The following ZNF750 variants were observed in gnomAD, a reference collection of about 807,000 sequenced individuals.
ZNF750 encodes zinc finger protein 750.
In ZNF750, 10 loss-of-function variants were observed where a neutral mutation model predicts 31.6. That is an observed-to-expected ratio of 0.32 (90% CI 0.19 to 0.54). The LOEUF (loss-of-function observed/expected upper bound fraction) is 0.54, where lower values mean the gene tolerates loss of function less well. ZNF750 is among the 20% of genes least tolerant of loss of function. The pLI is 0.95. For missense variants in ZNF750, 914 were observed against 934.9 expected (o/e 0.98, Z 0.29); for synonymous variants, 400 against 404.9 (o/e 0.99, Z 0.15).
chr17:82,832,466 T>A lies in ZNF750; in HGVS notation c.-12A>T. 1 of 1,605,770 alleles carries A rather than the reference T, an allele frequency of 6.2e-7. No homozygotes were observed. The highest frequency in any genetic ancestry group is 8.5e-7 in the Non-Finnish European group (1 of 1,179,014). The stretch of plus-strand genomic sequence containing the variant: ...TTGAGGAGACTCATTTTCCTCCTTA[T>A]GCCTTGGACTCTGGCTGTCCAGGTG... On this transcript the variant is annotated 5_prime_UTR_variant, in exon 2 of 3. Transcript: ENST00000269394. This position sits in a 1 kb window ranked among gnomAD's most constrained non-coding sequence, Gnocchi z 4.9.
Position 82,830,127 on chromosome 17 carries a change from C to T in ZNF750, c.*15G>A, listed in dbSNP as rs748282660. 4.3e-6 allele frequency: 7 copies of T among 1,613,132 alleles called. No individual in the cohort carries two copies. The highest frequency in any genetic ancestry group is 2.2e-5 in the South Asian group (2 of 91,042). ...GTGTGGCCGTAGCTCTGTGAACACA[C>T]GTGTGAACCCGGCGTTAGGACACCC... On this transcript the variant is annotated 3_prime_UTR_variant, in exon 3 of 3. Transcript: ENST00000269394.
At position 82,833,060 on chromosome 17, in the gene ZNF750, C is replaced by A. The variant is rs536915606; in HGVS notation, c.-182-424G>T. On this transcript the variant is annotated intron_variant, in intron 1 of 2. Transcript: ENST00000269394. This position sits in a 1 kb window ranked among gnomAD's most constrained non-coding sequence, Gnocchi z 4.7. ...GGACAGAGTCCTGTCCCAGGGCTGCCCGACTCTGCTTGGGGGTTACACGCT... is the reference window on the plus strand; with the variant it reads ...GGACAGAGTCCTGTCCCAGGGCTGCACGACTCTGCTTGGGGGTTACACGCT... Among the ~76,000 whole-genome samples the A allele has an allele frequency of 6.6e-6, 1 of 152,240 alleles. No homozygotes were observed. The highest frequency in any genetic ancestry group is 2.4e-5 in the African/African-American group (1 of 41,552).
chr17:82,836,030 C>CG (rs2053942682), intron 1 of ZNF750, among the ~76,000 whole-genome samples: 1 of 152,226 alleles, frequency 6.6e-6, no homozygotes, highest in Non-Finnish European at 1.5e-5. Flanking sequence ...TACAAGGCAC[C>CG]GGGTCAAGGC....
chr17:82,839,310 A>G (rs2054258996), intron 1 of ZNF750, among the ~76,000 whole-genome samples: 1 of 152,176 alleles, frequency 6.6e-6, no homozygotes, highest in South Asian at 2.1e-4. Flanking sequence ...TACCACACAT[A>G]TATAACCCTA....
rs1423142009 is a variant in ZNF750 at position 82,835,897 on chromosome 17, G to A, written c.-182-3261C>T. Among the ~76,000 whole-genome samples, 3 of 152,304 alleles carry A rather than the reference G, an allele frequency of 2.0e-5. No homozygotes were observed. The highest frequency in any genetic ancestry group is 4.8e-5 in the African/African-American group (2 of 41,556). On this transcript the variant is annotated intron_variant, in intron 1 of 2. Coordinates refer to ENST00000269394, the MANE Select transcript of ZNF750 (RefSeq NM_024702.3). This position sits in a 1 kb window ranked among gnomAD's most constrained non-coding sequence, Gnocchi z 4.5. ...TGAGTTTCTGTGTAGCAGGGACAGCGAGGCACGGTTTGGATGAGGACAAGA... is the reference window on the plus strand; with the variant it reads ...TGAGTTTCTGTGTAGCAGGGACAGCAAGGCACGGTTTGGATGAGGACAAGA...
intron 1 of ZNF750, among the ~76,000 whole-genome samples, chr17:82,837,597 G>C (rs181658488): frequency 1.5e-3 from 236 of 152,298 alleles, no homozygotes; most frequent in Admixed American, 4.6e-3. Flanking sequence ...TTTCATTTGA[G>C]AACTGCAGTG....
intron 1 of ZNF750, among the ~76,000 whole-genome samples, chr17:82,838,015 T>C (rs1396870388): frequency 1.3e-5 from 2 of 152,242 alleles, no homozygotes; most frequent in East Asian, 3.8e-4. Flanking sequence ...TTTCTAAATA[T>C]TTTAAATGTT....
chr17:82,835,467 G>T lies in ZNF750; in HGVS notation c.-182-2831C>A, dbSNP rs935831169. Among the ~76,000 whole-genome samples, 1 of 152,148 alleles carries T rather than the reference G, an allele frequency of 6.6e-6. No individual in the cohort carries two copies. Reference sequence around the variant, plus strand: ...GACGGAGTTTTGGTCTTGTTGCCCAGGCTGGAGGGCAGTGGTGCGATCTCG... The same window carrying T: ...GACGGAGTTTTGGTCTTGTTGCCCATGCTGGAGGGCAGTGGTGCGATCTCG... On this transcript the variant is annotated intron_variant, in intron 1 of 2. Transcript: ENST00000269394. The surrounding 1 kb of genome is among the most constrained non-coding windows in gnomAD (Gnocchi z 4.5).
At chr17:82,839,561 C>G (rs1464617046) in intron 1 of ZNF750, among the ~76,000 whole-genome samples, 1 of 152,200 alleles carries the variant, frequency 6.6e-6, no homozygotes, top group Non-Finnish European at 1.5e-5. Flanking sequence ...ACATACACCA[C>G]ACATATATAT....
In ZNF750 at chr17:82,830,741, C is replaced by T; in HGVS notation, c.1573G>A (p.Ala525Thr). 6.2e-7 allele frequency: 1 copy of T among 1,613,878 alleles called. No homozygotes were observed. The highest frequency in any genetic ancestry group is 1.1e-5 in the South Asian group (1 of 91,072). The change falls in exon 3 of 3, where the codon GCA becomes ACA. Residue 525 changes from alanine (A) to threonine (T), a missense_variant. Physicochemically the swap from Ala to Thr is moderately conservative, Grantham distance 58. This residue lies in a region of ZNF750 where 880 missense variants were observed against 868.9 expected (regional missense o/e 1.01). Coordinates refer to ENST00000269394, the MANE Select transcript of ZNF750 (RefSeq NM_024702.3). ...NLSKKSEINL[A>T]ATHEPTYQGS... ...TGGTACGTGGGTTCGTGGGTGGCTG[C>T]CAGGTTTATCTCTGATTTCTTGGAG... is the stretch of plus-strand genomic sequence containing the variant.
Position 82,830,007 on chromosome 17 carries a change from GTTT to G in ZNF750, c.*132_*134del. The G allele has an allele frequency of 7.2e-7, 1 of 1,390,984 alleles. No individual in the cohort carries two copies. Among genetic ancestry groups the G allele is most frequent in the Non-Finnish European group, 9.8e-7 (1 of 1,019,360 alleles). 86.2% of individuals were successfully genotyped at this position (1,390,984 alleles called of 1,614,324 possible). On this transcript the variant is annotated 3_prime_UTR_variant, in exon 3 of 3. Transcript: ENST00000269394. ...GAATTGGAGGGTTTTTTGTTTGTTT[GTTT>G]GTTTGTTTTTTTGAGAAGCAGCAGC...
At chr17:82,837,715 C>T (rs894217458) in intron 1 of ZNF750, among the ~76,000 whole-genome samples, 1 of 152,230 alleles carries the variant, frequency 6.6e-6, no homozygotes, top group African/African-American at 2.4e-5. Flanking sequence ...GGACATGCCA[C>T]AGAGCTTCCA....
Position 82,831,885 on chromosome 17 carries a change from C to CTTG in ZNF750, c.567_569dup (p.Ala189_Lys190insAsn). 1 of 1,614,118 alleles carries CTTG rather than the reference C, an allele frequency of 6.2e-7. No individual in the cohort carries two copies. Among genetic ancestry groups the CTTG allele is most frequent in the Non-Finnish European group, 8.5e-7 (1 of 1,180,006 alleles). On this transcript the variant is annotated inframe_insertion, in exon 2 of 3. Coordinates refer to ENST00000269394, the MANE Select transcript of ZNF750 (RefSeq NM_024702.3). This position sits in a 1 kb window ranked among gnomAD's most constrained non-coding sequence, Gnocchi z 4.6. ...CCGACTTGGTGTGGAAAGACACGGC[C>CTTG]TTGGCAGTGGGGTTGTGTAAAGCCA...
At chr17:82,838,885 CG>C in intron 1 of ZNF750, 15 of 985,386 alleles carry the variant, frequency 1.5e-5, no homozygotes, top group Non-Finnish European at 1.8e-5. Context: ...CCTGAAACTC[CG>C]GTCAGAAATG....
Position 82,830,184 on chromosome 17 carries a change from C to T in ZNF750, c.2130G>A (p.Thr710=), listed in dbSNP as rs1380650622. Residue 710 remains threonine, a synonymous_variant, in exon 3 of 3, where the codon ACG becomes ACA. Coordinates refer to ENST00000269394, the MANE Select transcript of ZNF750 (RefSeq NM_024702.3). ...QGAKKAKLQD[T]ARVFTLRRRA... ...TCCTTCGTAGTGTGAACACTCTGGC[C>T]GTGTCCTGCAGCTTCGCCTTCTTAG... 6 of 1,614,214 alleles carry T rather than the reference C, an allele frequency of 3.7e-6. No individual in the cohort carries two copies. The highest frequency in any genetic ancestry group is 2.2e-5 in the East Asian group (1 of 44,890).
At chr17:82,838,706 C>T (rs1231438973) in intron 1 of ZNF750, 2 of 985,286 alleles carry the variant, frequency 2.0e-6, no homozygotes, top group Admixed American at 1.2e-4. Flanking sequence ...GAAAGATAAA[C>T]CTCAGGACAA....
At chr17:82,839,086 T>G (rs986220665) in intron 1 of ZNF750, 13 of 680,592 alleles carry the variant, frequency 1.9e-5, no homozygotes, top group Non-Finnish European at 2.4e-5. Flanking sequence ...CCCCTTTGGT[T>G]TGGTTTTGTT....
rs1233209570 is a variant in ZNF750, at chr17:82,833,690, G to C, written c.-182-1054C>G. 6.6e-6 allele frequency among the ~76,000 whole-genome samples: 1 copy of C among 152,184 alleles called. No homozygotes were observed. Among genetic ancestry groups the C allele is most frequent in the African/African-American group, 2.4e-5 (1 of 41,448 alleles). ...AGCTTTGCCACACTCCTGCCCGAGA[G>C]GAGACCAGAGTGAGTAGTATCCGCT... On this transcript the variant is annotated intron_variant, in intron 1 of 2. Coordinates refer to ENST00000269394, the MANE Select transcript of ZNF750 (RefSeq NM_024702.3). This position sits in a 1 kb window ranked among gnomAD's most constrained non-coding sequence, Gnocchi z 4.7.
Position 82,829,851 on chromosome 17 carries a change from A to G in ZNF750, c.*291T>C. On this transcript the variant is annotated 3_prime_UTR_variant, in exon 3 of 3. Transcript: ENST00000269394. ...GTAATGGTGAGATATTTATAAGGAA[A>G]CATTTATAAAAGATCTTCTGTAAGA... 1 of 437,478 alleles carries G rather than the reference A, an allele frequency of 2.3e-6. No homozygotes were observed. The highest frequency in any genetic ancestry group is 3.5e-5 in the South Asian group (1 of 28,532). 27.1% of individuals were successfully genotyped at this position (437,478 alleles called of 1,614,324 possible). A position where few individuals can be genotyped will look rare whatever the true frequency, so the allele number is the denominator to read the frequency against.
Sources: allele counts gnomAD v4.1 joint callset (sites outside exome capture counted in the v4.1 genomes callset), GRCh38; gene constraint gnomAD v4.1.1; regional missense constraint gnomAD v4.1.1; non-coding constraint Gnocchi (gnomAD v3.1); transcripts MANE v1.5; gene names NCBI Gene and HGNC (gene_info 2026-07-23, HGNC 2026-07-21).